The following OSBPL10 variants were observed in gnomAD, a reference collection of about 807,000 sequenced individuals.
The protein encoded by OSBPL10 is oxysterol-binding protein-related protein 10.
OSBPL10 carries 49 observed loss-of-function variants against 81.7 expected under a neutral mutation model. The ratio of observed to expected loss-of-function variants is 0.60; its 90% CI spans 0.48 to 0.76. OSBPL10 has a LOEUF of 0.76. OSBPL10 is among the 30% of genes least tolerant of loss of function. The pLI, the probability that OSBPL10 is intolerant of heterozygous loss-of-function variation, is 0.00. For missense variants in OSBPL10, 923 were observed against 987.8 expected, an observed-to-expected ratio of 0.93 and a Z score of 0.88; for synonymous variants, 419 against 383.6, an observed-to-expected ratio of 1.09 and a Z score of -1.08.
intron 7 of OSBPL10, among the ~76,000 whole-genome samples, chr3:31,688,287 A>ACACG (rs1700849449): frequency 6.9e-6 from 1 of 144,366 alleles, no homozygotes. Context: ...TCTCTCTCAC[A>ACACG]CACACACACA....
At position 31,830,853 on chromosome 3, in the gene OSBPL10, T is replaced by C. The variant is rs1312041981; in HGVS notation, c.538-622A>G. On this transcript the variant is annotated intron_variant, in intron 3 of 11. Transcript: ENST00000396556. ...CTGTCCACCAAGTATTCCTCATTTG[T>C]TAGTCCAGTGTTTACATTTCATCCT... Among the ~76,000 whole-genome samples, 3 of 152,252 alleles carry C rather than the reference T, an allele frequency of 2.0e-5. No homozygotes were observed. In the East Asian group the frequency reaches 5.8e-4, roughly 29 times the overall value.
At chr3:31,755,585 T>C (rs140107853) in intron 4 of OSBPL10, among the ~76,000 whole-genome samples, 181 of 152,346 alleles carry the variant, frequency 1.2e-3, no homozygotes, top group African/African-American at 4.3e-3. Flanking sequence ...GGTTTTTCTG[T>C]CCACCCTTGC....
chr3:31,915,825 A>G (rs568340329), intron 1 of OSBPL10, among the ~76,000 whole-genome samples: 136 of 152,128 alleles, frequency 8.9e-4, no homozygotes, highest in African/African-American at 3.1e-3. Context: ...CGGGAGTGGT[A>G]GCTCACGCCT....
intron 1 of OSBPL10, among the ~76,000 whole-genome samples, chr3:31,924,863 C>T (rs952383038): frequency 1.8e-4 from 28 of 152,112 alleles, no homozygotes; most frequent in Admixed American, 1.2e-3. Flanking sequence ...GGCTAGATTT[C>T]GCCCACAGAA....
intron 8 of OSBPL10, among the ~76,000 whole-genome samples, chr3:31,683,208 T>C (rs1340775835): frequency 6.6e-6 from 1 of 152,230 alleles, no homozygotes; most frequent in Non-Finnish European, 1.5e-5. Flanking sequence ...TTGGGAATTT[T>C]TACGAGCAGA....
At chr3:32,003,621 T>C (rs1421658925) in intron 2 of OSBPL10, among the ~76,000 whole-genome samples, 3 of 152,216 alleles carry the variant, frequency 2.0e-5, no homozygotes, top group Non-Finnish European at 2.9e-5. Flanking sequence ...GGGAACAGAC[T>C]GCACAGTGAA....
At chr3:31,784,425 GAA>G (rs1395534112) in intron 4 of OSBPL10, among the ~76,000 whole-genome samples, 1 of 150,016 alleles carries the variant, frequency 6.7e-6, no homozygotes, top group Non-Finnish European at 1.5e-5. Context: ...AGGAAGGAAA[GAA>G]AGAAAAAAAC....
At chr3:31,856,069 T>TACACACACACAC (rs10576489) in intron 3 of OSBPL10, among the ~76,000 whole-genome samples, 4 of 134,446 alleles carry the variant, frequency 3.0e-5, no homozygotes, top group African/African-American at 5.7e-5. Context: ...ATGTTTATAT[T>TACACACACACAC]ACACACACAC....
intron 6 of OSBPL10, among the ~76,000 whole-genome samples, chr3:31,729,490 C>T (rs1196056213): frequency 6.6e-6 from 1 of 152,150 alleles, no homozygotes; most frequent in Non-Finnish European, 1.5e-5. Context: ...GGCACAATCT[C>T]GGCTCACTGC....
At chr3:31,767,317 C>T (rs1389597318) in intron 4 of OSBPL10, among the ~76,000 whole-genome samples, 1 of 152,160 alleles carries the variant, frequency 6.6e-6, no homozygotes, top group Non-Finnish European at 1.5e-5. Flanking sequence ...CAACTGTGGT[C>T]CCTGCAATAA....
At chr3:31,738,115 T>C (rs1697240878) in intron 5 of OSBPL10, among the ~76,000 whole-genome samples, 1 of 151,594 alleles carries the variant, frequency 6.6e-6, no homozygotes, top group Admixed American at 6.6e-5. Flanking sequence ...AATGTAAATA[T>C]AAATACATGT....
chr3:31,959,579 G>C (rs1396784748), intron 1 of OSBPL10, among the ~76,000 whole-genome samples: 1 of 152,050 alleles, frequency 6.6e-6, no homozygotes, highest in Non-Finnish European at 1.5e-5. Flanking sequence ...TGAGTCTCAG[G>C]GCATCAGCTA....
chr3:31,809,824 A>G (rs1305369749), intron 4 of OSBPL10, among the ~76,000 whole-genome samples: 4 of 151,728 alleles, frequency 2.6e-5, no homozygotes, highest in African/African-American at 4.9e-5. Context: ...ATGGGATTGG[A>G]AAACTAGACC....
At chr3:31,757,395 T>C (rs1379497598) in intron 4 of OSBPL10, among the ~76,000 whole-genome samples, 2 of 151,720 alleles carry the variant, frequency 1.3e-5, no homozygotes, top group Non-Finnish European at 2.9e-5. Context: ...AGGCCAGGAG[T>C]TTAAGACCAG....
intron 10 of OSBPL10, among the ~76,000 whole-genome samples, chr3:31,668,369 C>T (rs982112478): frequency 3.3e-5 from 5 of 152,158 alleles, no homozygotes; most frequent in Non-Finnish European, 7.3e-5. Context: ...AATTAAGCAA[C>T]AGATCAGATG....
intron 1 of OSBPL10, among the ~76,000 whole-genome samples, chr3:31,929,840 C>T (rs191157798): frequency 1.3e-5 from 2 of 151,582 alleles, no homozygotes; most frequent in East Asian, 3.9e-4. Context: ...ACAGATACAG[C>T]CATAGTTCAC....
chr3:31,801,675 G>T (rs1039833068), intron 4 of OSBPL10, among the ~76,000 whole-genome samples: 1 of 152,198 alleles, frequency 6.6e-6, no homozygotes, highest in African/African-American at 2.4e-5. Flanking sequence ...AGCAGGACCT[G>T]TGTCCATTGC....
At chr3:32,055,233 TCG>T (rs1288265885) in intron 1 of OSBPL10, among the ~76,000 whole-genome samples, 2 of 118,968 alleles carry the variant, frequency 1.7e-5, no homozygotes, top group East Asian at 5.9e-4. Flanking sequence ...AGACGGAGTC[TCG>T]CTCTGTCGCC....
chr3:31,678,146 G>C (rs1455790195), intron 8 of OSBPL10, among the ~76,000 whole-genome samples: 1 of 151,614 alleles, frequency 6.6e-6, no homozygotes, highest in Non-Finnish European at 1.5e-5. Flanking sequence ...GGGGACAGAG[G>C]GCTAAAAGGA....
Sources: allele counts gnomAD v4.1 joint callset (sites outside exome capture counted in the v4.1 genomes callset), GRCh38; gene constraint gnomAD v4.1.1; transcripts MANE v1.5; gene names NCBI Gene and HGNC (gene_info 2026-07-23, HGNC 2026-07-21).